SLC30A8: variants seen among roughly 807,000 people sequenced by gnomAD.
SLC30A8 encodes solute carrier family 30 member 8.
Under a neutral mutation model 36.9 loss-of-function variants are expected in SLC30A8, and 27 were observed. The ratio of observed to expected loss-of-function variants is 0.73; its 90% CI spans 0.54 to 1.01. SLC30A8 has a LOEUF of 1.01. SLC30A8 is among the 50% of genes least tolerant of loss of function. SLC30A8 has a pLI of 0.00. For synonymous variants in SLC30A8, 164 were observed against 172.4 expected (o/e 0.95, Z 0.38); for missense variants, 439 against 452.0 (o/e 0.97, Z 0.26).
intron 1 of SLC30A8, among the ~76,000 whole-genome samples, chr8:116,965,375 A>T (rs1021552457): frequency 3.3e-5 from 5 of 152,246 alleles, no homozygotes; most frequent in Admixed American, 2.6e-4. Context: ...TTACCTTCTC[A>T]AACAAAATAA....
At chr8:117,146,904 G>A (rs1563625587) in intron 1 of SLC30A8, 50 bp from the exon 2 acceptor site, 1 of 1,607,216 alleles carries the variant, frequency 6.2e-7, no homozygotes, top group Non-Finnish European at 8.5e-7. Context: ...TCAGTGAGTG[G>A]CTTGTTTGCA....
chr8:117,042,554 C>T (rs1817417082), intron 2 of SLC30A8, among the ~76,000 whole-genome samples: 1 of 152,100 alleles, frequency 6.6e-6, no homozygotes, highest in African/African-American at 2.4e-5. Flanking sequence ...CCAAGGAAGC[C>T]GGTGCTGTTT....
At chr8:117,157,602 G>C (rs1214219997) in intron 3 of SLC30A8, 89 bp from the exon 4 acceptor site, 2 of 1,447,192 alleles carry the variant, frequency 1.4e-6, no homozygotes, top group African/African-American at 2.8e-5. Context: ...TTTGGGGGAA[G>C]TGGCAAAGTG....
rs113230857 is a variant in SLC30A8 at position 116,973,271 on chromosome 8, A to C, written c.-266+22152A>C. 5.0e-3 allele frequency among the ~76,000 whole-genome samples: 763 copies of C among 152,304 alleles called. 8 individuals carry two copies. The highest frequency in any genetic ancestry group is 0.017 in the African/African-American group (718 of 41,564). On this transcript the variant is annotated intron_variant, in intron 1 of 10. Coordinates refer to the SLC30A8 transcript ENST00000427715. ...TTTGTTGTAGCTGCTCAAACAGACT[A>C]AGACACCTTCCTTGTAGTTAATTGT...
chr8:117,134,667 G>T (rs1387954890), upstream of SLC30A8: 1 of 152,024 alleles, frequency 6.6e-6, no homozygotes, highest in Non-Finnish European at 1.5e-5. Context: ...AGCAGAGTCT[G>T]TCCTTCTCTT....
intron 3 of SLC30A8, among the ~76,000 whole-genome samples, 197 bp from the exon 4 acceptor site, chr8:117,157,494 G>A (rs1237800269): frequency 6.6e-6 from 1 of 152,142 alleles, no homozygotes; most frequent in Non-Finnish European, 1.5e-5. Context: ...TCAGATGCTG[G>A]TGTTTTATGA....
At chr8:117,124,209 G>T (rs1197756417) in intron 2 of SLC30A8, among the ~76,000 whole-genome samples, 1 of 151,928 alleles carries the variant, frequency 6.6e-6, no homozygotes, top group South Asian at 2.1e-4. Flanking sequence ...GTAAAAACTG[G>T]TCTAGGGAGA....
chr8:117,038,979 A>G (rs1482923844), intron 1 of SLC30A8, among the ~76,000 whole-genome samples: 3 of 152,332 alleles, frequency 2.0e-5, no homozygotes, highest in South Asian at 2.1e-4. Flanking sequence ...CCAAGGAGGA[A>G]GGGAAGGCAG....
At chr8:117,157,909 C>A in intron 4 of SLC30A8, 65 bp downstream of exon 4, 1 of 1,563,976 alleles carries the variant, frequency 6.4e-7, no homozygotes, top group South Asian at 1.2e-5. Flanking sequence ...TGGACAAAGT[C>A]GACCTTTTAA....
In SLC30A8 at chr8:117,002,838, C is replaced by T. The variant is rs527826255; in HGVS notation, c.-265-36381C>T. On this transcript the variant is annotated intron_variant, in intron 1 of 10. Coordinates refer to the SLC30A8 transcript ENST00000427715. The stretch of plus-strand genomic sequence containing the variant: ...CAGGATGGTCTCGATCTCTTGACCT[C>T]ATGATCTGCCTGCCTCGGCCTCCCA... Among the ~76,000 whole-genome samples the T allele has an allele frequency of 5.3e-5, 8 of 152,272 alleles. No homozygotes were observed. The East Asian group carries it at 1.5e-3, about 29-fold the overall frequency.
chr8:116,992,713 C>G (rs1292837997), intron 1 of SLC30A8, among the ~76,000 whole-genome samples: 1 of 152,088 alleles, frequency 6.6e-6, no homozygotes, highest in East Asian at 1.9e-4. Flanking sequence ...GGCTATGAGG[C>G]TAACATCTAA....
intron 2 of SLC30A8, among the ~76,000 whole-genome samples, chr8:117,097,407 A>AT (rs1226609708): frequency 7.2e-5 from 9 of 125,674 alleles, no homozygotes; most frequent in South Asian, 2.2e-4. Context: ...AAAAAAAAAA[A>AT]AAAAAAAAAA....
At chr8:117,078,946 C>T (rs1411195889) in intron 2 of SLC30A8, among the ~76,000 whole-genome samples, 1 of 152,088 alleles carries the variant, frequency 6.6e-6, no homozygotes, top group African/African-American at 2.4e-5. Flanking sequence ...CCTTAGCCTC[C>T]CAAAGTGTTG....
intron 1 of SLC30A8, among the ~76,000 whole-genome samples, chr8:116,968,935 C>G (rs939279369): frequency 6.6e-6 from 1 of 151,938 alleles, no homozygotes; most frequent in Non-Finnish European, 1.5e-5. Context: ...GGGGGTTTCG[C>G]CATGTTGGCC....
chr8:117,043,754 C>T (rs896468730), intron 2 of SLC30A8, among the ~76,000 whole-genome samples: 7 of 152,108 alleles, frequency 4.6e-5, no homozygotes, highest in South Asian at 2.1e-4. Flanking sequence ...CCCACCACCA[C>T]CCTGGGTTGA....
Position 117,161,742 on chromosome 8 carries a change from ACT to A in SLC30A8, c.578_579del (p.Thr193SerfsTer41). ...GAACATTGTTCTCTCTTTCAGACTAACTGTGGTTTTGCACCAGAGATGCCTTG... is the reference window on the plus strand; with the variant it reads ...GAACATTGTTCTCTCTTTCAGACTAAGTGGTTTTGCACCAGAGATGCCTTG... ...SCAVAANIVL[T>X]VVLHQRCLGH... On this transcript the variant is annotated frameshift_variant, in exon 5 of 8. Transcript: ENST00000456015. LOFTEE classifies it high-confidence loss of function. 1 of 1,613,282 alleles carries A rather than the reference ACT, an allele frequency of 6.2e-7. No homozygotes were observed. Among genetic ancestry groups the A allele is most frequent in the Non-Finnish European group, 8.5e-7 (1 of 1,179,426 alleles).
At chr8:117,076,268 AT>A (rs932299804) in intron 2 of SLC30A8, among the ~76,000 whole-genome samples, 4 of 152,234 alleles carry the variant, frequency 2.6e-5, no homozygotes, top group African/African-American at 9.6e-5. Flanking sequence ...TCTTCCAAAT[AT>A]TTTTGGTTAA....
chr8:117,068,679 C>T (rs1296740396), intron 2 of SLC30A8, among the ~76,000 whole-genome samples: 6 of 152,012 alleles, frequency 3.9e-5, no homozygotes, highest in African/African-American at 4.8e-5. Flanking sequence ...TGAGTTCAAG[C>T]GATTCTCCTG....
Position 117,097,421 on chromosome 8 carries a change from AT to A in SLC30A8, c.-225-37858del, listed in dbSNP as rs1239685819. Reference sequence around the variant, plus strand: ...CAAAAAAAAAAAAAAAAAAAAAAATATATATAAATATATATAATTATATATT... The same window carrying A: ...CAAAAAAAAAAAAAAAAAAAAAAATAATATAAATATATATAATTATATATT... On this transcript the variant is annotated intron_variant, in intron 2 of 10. Coordinates refer to the SLC30A8 transcript ENST00000427715. Among the ~76,000 whole-genome samples, 9 of 84,554 alleles carry A rather than the reference AT, an allele frequency of 1.1e-4. 1 individual carries two copies. The highest frequency in any genetic ancestry group is 4.1e-4 in the East Asian group (1 of 2,436). 55.5% of individuals were successfully genotyped at this position (84,554 alleles called of 152,430 possible).
Sources: gnomAD v4.1 joint callset for allele counts (sites outside exome capture counted in the v4.1 genomes callset) on GRCh38, gnomAD v4.1.1 for gene constraint, MANE v1.5 for transcripts, NCBI Gene and HGNC (gene_info 2026-07-23, HGNC 2026-07-21) for gene names.